Variants in MACF1 observed in about 807,000 individuals in gnomAD.
MACF1 encodes microtubule-actin cross-linking factor 1.
In MACF1, 193 loss-of-function variants were observed where a neutral mutation model predicts 854.8. That is an observed-to-expected ratio of 0.23 (90% CI 0.20 to 0.25). The LOEUF is 0.25. Ranked by LOEUF, MACF1 falls within the 10% of genes least tolerant of loss-of-function variation. The pLI, the probability that MACF1 is intolerant of heterozygous loss-of-function variation, is 1.00. For synonymous variants in MACF1, 3,185 were observed against 3,226.7 expected (o/e 0.99, Z 0.44); for missense variants, 7,722 against 8,929.1 (o/e 0.86, Z 5.45).
intron 23 of MACF1, among the ~76,000 whole-genome samples, chr1:39,306,713 AT>A (rs1557577806): frequency 6.9e-6 from 1 of 145,124 alleles, no homozygotes; most frequent in Non-Finnish European, 1.5e-5. Context: ...TCCAAGTCTT[AT>A]TTATTAGTGT....
chr1:39,352,342 A>G (rs917922634), intron 43 of MACF1, among the ~76,000 whole-genome samples: 2 of 152,132 alleles, frequency 1.3e-5, no homozygotes, highest in East Asian at 3.9e-4. Context: ...TAGTTGAGGA[A>G]AGGATGAAAG....
intron 6 of MACF1, among the ~76,000 whole-genome samples, chr1:39,266,541 T>C (rs929600743): frequency 2.7e-5 from 4 of 150,822 alleles, no homozygotes; most frequent in African/African-American, 9.8e-5. Flanking sequence ...GAAGGGATTG[T>C]GTAAAAGCCG....
At chr1:39,400,596 T>C (rs1287100574) in intron 58 of MACF1, among the ~76,000 whole-genome samples, 1 of 152,044 alleles carries the variant, frequency 6.6e-6, no homozygotes, top group East Asian at 1.9e-4. Context: ...AGCCTCAACC[T>C]CCTAGGCTCA....
chr1:39,228,047 G>T (rs920135258), intron 1 of MACF1, among the ~76,000 whole-genome samples: 4 of 152,102 alleles, frequency 2.6e-5, no homozygotes, highest in African/African-American at 7.2e-5. Context: ...ATGAGGCCAG[G>T]TGCCTGTAAT....
chr1:39,423,052 A>G, intron 60 of MACF1, 152 bp downstream of exon 60: 1 of 683,780 alleles, frequency 1.5e-6, no homozygotes, highest in Admixed American at 3.0e-5. Flanking sequence ...ATTGATTTTC[A>G]TTATCTTACT....
chr1:39,190,423 G>A lies in MACF1; in HGVS notation c.221-40759G>A, dbSNP rs1161657320. Among the ~76,000 whole-genome samples, 60 of 54,934 alleles carry A rather than the reference G, an allele frequency of 1.1e-3. 1 individual carries two copies. The highest frequency in any genetic ancestry group is 7.0e-4 in the African/African-American group (15 of 21,560). The allele number at this position is 54,934 out of a possible 152,430, so 36.0% of individuals were successfully genotyped here. A position where few individuals can be genotyped will look rare whatever the true frequency, so the allele number is the denominator to read the frequency against. On this transcript the variant is annotated intron_variant, in intron 2 of 93. Coordinates refer to the MACF1 transcript ENST00000361689. The stretch of plus-strand genomic sequence containing the variant: ...TTTGTTTTTTTTTTTTTTTTTTGAT[G>A]GAATCTTGCTTTGTCACCCAGGTTG...
At chr1:39,410,473 A>T in intron 58 of MACF1, 5 of 1,614,082 alleles carry the variant, frequency 3.1e-6, no homozygotes, top group Non-Finnish European at 4.2e-6. Context: ...AGGAAGTACT[A>T]TATCCAGCAA....
intron 50 of MACF1, 103 bp from the exon 51 acceptor site, chr1:39,369,927 A>G: frequency 9.7e-7 from 1 of 1,035,664 alleles, no homozygotes; most frequent in East Asian, 2.4e-5. Flanking sequence ...AAGAAAGGCC[A>G]TGTTAGGTAA....
intron 95 of MACF1, among the ~76,000 whole-genome samples, 184 bp downstream of exon 95, chr1:39,465,296 ATATAAG>A (rs1261179684): frequency 6.2e-4 from 95 of 152,358 alleles, no homozygotes; most frequent in African/African-American, 2.1e-3. Flanking sequence ...CAGCAAAAGA[ATATAAG>A]TATAATTTTT....
chr1:39,168,500 T>A (rs1027508137), intron 2 of MACF1, among the ~76,000 whole-genome samples: 1 of 152,146 alleles, frequency 6.6e-6, no homozygotes, highest in African/African-American at 2.4e-5. Context: ...TTTTTGTGTG[T>A]GTGCGTGTGT....
chr1:39,181,759 A>G (rs1428839421), intron 2 of MACF1, among the ~76,000 whole-genome samples: 1 of 152,230 alleles, frequency 6.6e-6, no homozygotes, highest in East Asian at 1.9e-4. Flanking sequence ...CCTTACATTT[A>G]TGGTAAATTG....
chr1:39,244,623 G>A (rs998089055), intron 2 of MACF1, among the ~76,000 whole-genome samples: 1 of 151,098 alleles, frequency 6.6e-6, no homozygotes, highest in African/African-American at 2.4e-5. Flanking sequence ...TGTTGCCCAG[G>A]CTGAAGTGCA....
At position 39,418,465 on chromosome 1, in the gene MACF1, C is replaced by T. The variant is rs116387961; in HGVS notation, c.15817-3909C>T. Among the ~76,000 whole-genome samples, 792 of 152,324 alleles carry T rather than the reference C, an allele frequency of 5.2e-3. 5 individuals are homozygous for T. Among genetic ancestry groups the T allele is most frequent in the African/African-American group, 0.018 (751 of 41,570 alleles). ...GAAAGAGAAGAGAGTCCAGGACTGA[C>T]GTCGTTCTCTCACTCCCACCCCCAA... On this transcript the variant is annotated intron_variant, in intron 58 of 100. Transcript: ENST00000564288.
chr1:39,431,492 A>G (rs544162499), intron 66 of MACF1, among the ~76,000 whole-genome samples: 67 of 152,352 alleles, frequency 4.4e-4, no homozygotes, highest in African/African-American at 1.3e-3. Flanking sequence ...TTAGGATCAT[A>G]GTGATGAACA....
At chr1:39,394,258 G>A (rs142857045) in intron 58 of MACF1, among the ~76,000 whole-genome samples, 1 of 148,810 alleles carries the variant, frequency 6.7e-6, no homozygotes, top group South Asian at 2.1e-4. Flanking sequence ...TTGATTGATT[G>A]ATTGATTGAT....
intron 2 of MACF1, among the ~76,000 whole-genome samples, chr1:39,194,618 C>T (rs974652021): frequency 1.5e-4 from 23 of 151,966 alleles, no homozygotes; most frequent in African/African-American, 4.6e-4. Context: ...GCTGGGATTA[C>T]AGGCGTGAGC....
chr1:39,133,016 C>T (rs1443673147), intron 2 of MACF1, among the ~76,000 whole-genome samples: 1 of 152,238 alleles, frequency 6.6e-6, no homozygotes. Context: ...ACATCCGCTA[C>T]TCAGCCCTTT....
intron 99 of MACF1, among the ~76,000 whole-genome samples, chr1:39,483,588 G>A (rs1317939970): frequency 1.3e-5 from 2 of 152,162 alleles, no homozygotes; most frequent in South Asian, 4.1e-4. Flanking sequence ...GAGGAGTGTG[G>A]TAGAAATGAA....
At position 39,334,111 on chromosome 1, in the gene MACF1, T is replaced by A; in HGVS notation, c.7523T>A (p.Ile2508Asn). ...AAGCAAGTGGTAGATGGAGGTATCA[T>A]TCACCATATATCTGGGATGAGACTT... Reference protein sequence around the residue: ...LTKQVVDGGIIHHISGMRLSV... With the variant: ...LTKQVVDGGINHHISGMRLSV... The change falls in exon 37 of 101, where the codon ATT (isoleucine) becomes AAT (asparagine). Residue 2508 changes from isoleucine to asparagine, a missense_variant. Ile to Asn is a moderately radical substitution (Grantham distance 149). Around this residue, in one of 15 missense-constraint regions of MACF1, gnomAD observed 1,531 missense variants for 1,601.6 expected, o/e 0.96. Coordinates refer to ENST00000564288, the MANE Select transcript of MACF1 (RefSeq NM_001394062.1). 1 of 1,614,170 alleles carries A rather than the reference T, an allele frequency of 6.2e-7. No homozygotes were observed. Among genetic ancestry groups the A allele is most frequent in the Non-Finnish European group, 8.5e-7 (1 of 1,180,016 alleles).
Sources: gnomAD v4.1 joint callset for allele counts (sites outside exome capture counted in the v4.1 genomes callset) on GRCh38, gnomAD v4.1.1 for gene constraint, gnomAD v4.1.1 regional missense constraint, MANE v1.5 for transcripts, NCBI Gene and HGNC (gene_info 2026-07-23, HGNC 2026-07-21) for gene names.